The following ABTB3 variants were observed in gnomAD, a reference collection of about 807,000 sequenced individuals.
ABTB3 encodes the protein ankyrin repeat and BTB domain containing 3.
the ABTB3 span, among the ~76,000 whole-genome samples, chr12:107,633,521 G>T: frequency 6.6e-6 from 1 of 152,110 alleles, no homozygotes; most frequent in Non-Finnish European, 1.5e-5. Context: ...CTTCTAGGAG[G>T]CCATAATTAT....
the ABTB3 span, among the ~76,000 whole-genome samples, chr12:107,476,138 G>A: frequency 6.6e-6 from 1 of 152,160 alleles, no homozygotes. Context: ...TTGAGGGAGG[G>A]CAGTGTAGGG....
chr12:107,375,587 C>G, the ABTB3 span, among the ~76,000 whole-genome samples: 2 of 152,232 alleles, frequency 1.3e-5, no homozygotes, highest in Non-Finnish European at 2.9e-5. Flanking sequence ...CGTTCTACCT[C>G]TCACTGGCTG....
chr12:107,399,365 C>A, the ABTB3 span, among the ~76,000 whole-genome samples: 2 of 152,142 alleles, frequency 1.3e-5, no homozygotes, highest in African/African-American at 4.8e-5. Context: ...CGAGAAGCTC[C>A]CCAAGCAGGG....
the ABTB3 span, among the ~76,000 whole-genome samples, chr12:107,554,735 A>G: frequency 1.3e-5 from 2 of 152,168 alleles, no homozygotes; most frequent in Non-Finnish European, 2.9e-5. Context: ...TCTGTTTCTA[A>G]CAAGCTCCCA....
the ABTB3 span, among the ~76,000 whole-genome samples, chr12:107,597,308 A>T: frequency 6.6e-6 from 1 of 152,236 alleles, no homozygotes; most frequent in Non-Finnish European, 1.5e-5. Context: ...TTCTGTTGCT[A>T]TAACAAAATA....
At chr12:107,611,502 A>C in the ABTB3 span, among the ~76,000 whole-genome samples, 3 of 152,188 alleles carry the variant, frequency 2.0e-5, no homozygotes, top group African/African-American at 7.2e-5. Flanking sequence ...AATCACTTCT[A>C]ATGGCTATGC....
the ABTB3 span, among the ~76,000 whole-genome samples, chr12:107,345,828 G>A: frequency 6.6e-5 from 10 of 152,220 alleles, no homozygotes; most frequent in African/African-American, 2.4e-4. Flanking sequence ...GAAACAGTGG[G>A]TAGAAGGAAA....
At chr12:107,504,212 G>A in the ABTB3 span, among the ~76,000 whole-genome samples, 1 of 152,196 alleles carries the variant, frequency 6.6e-6, no homozygotes, top group African/African-American at 2.4e-5. Flanking sequence ...AGTAATCTTT[G>A]TATTTTTGAT....
the ABTB3 span, among the ~76,000 whole-genome samples, chr12:107,341,427 C>A: frequency 6.6e-6 from 1 of 152,178 alleles, no homozygotes; most frequent in African/African-American, 2.4e-5. Context: ...CAAGTCAGTG[C>A]AAGACTGAGG....
At chr12:107,601,822 A>G in the ABTB3 span, among the ~76,000 whole-genome samples, 1 of 152,262 alleles carries the variant, frequency 6.6e-6, no homozygotes, top group South Asian at 2.1e-4. Context: ...TGCCTGACAA[A>G]TAGGAATGCT....
the ABTB3 span, among the ~76,000 whole-genome samples, chr12:107,529,593 A>G: frequency 6.6e-6 from 1 of 152,232 alleles, no homozygotes; most frequent in Non-Finnish European, 1.5e-5. Context: ...TTCTTCATTT[A>G]ATACTATGAG....
At chr12:107,447,225 C>G in the ABTB3 span, among the ~76,000 whole-genome samples, 1 of 152,182 alleles carries the variant, frequency 6.6e-6, no homozygotes, top group Admixed American at 6.5e-5. Context: ...TCAATGCAAC[C>G]TCCACCTCCC....
chr12:107,573,437 A>G, the ABTB3 span, among the ~76,000 whole-genome samples: 5 of 151,222 alleles, frequency 3.3e-5, no homozygotes, highest in African/African-American at 4.9e-5. Flanking sequence ...TGGATGAATG[A>G]ATGGATGGGT....
At chr12:107,347,164 T>C in the ABTB3 span, among the ~76,000 whole-genome samples, 117,661 of 152,126 alleles carry the variant, frequency 0.77, 46,378 homozygotes, top group African/African-American at 0.94. Flanking sequence ...TTTACTGAAG[T>C]AGTCCTCCTA....
chr12:107,499,926 T>C, the ABTB3 span, among the ~76,000 whole-genome samples: 226 of 152,242 alleles, frequency 1.5e-3, 1 homozygote, highest in African/African-American at 5.1e-3. Flanking sequence ...CCTCAAGTGA[T>C]CTACCTGCCT....
At chr12:107,377,473 T>C in the ABTB3 span, among the ~76,000 whole-genome samples, 1 of 150,678 alleles carries the variant, frequency 6.6e-6, no homozygotes, top group Non-Finnish European at 1.5e-5. Flanking sequence ...CCGTTTATGC[T>C]CATCTCCATC....
chr12:107,432,061 G>T, the ABTB3 span, among the ~76,000 whole-genome samples: 1 of 152,198 alleles, frequency 6.6e-6, no homozygotes, highest in Non-Finnish European at 1.5e-5. Flanking sequence ...CTGCTGCTTG[G>T]CTATGTGGTT....
At chr12:107,658,266 T>G in the ABTB3 span, 1 of 153,738 alleles carries the variant, frequency 6.5e-6, no homozygotes, top group Non-Finnish European at 1.4e-5. Context: ...TAAAATATAT[T>G]TCTAAAAGCT....
chr12:107,486,273 C>G, the ABTB3 span, among the ~76,000 whole-genome samples: 1 of 152,112 alleles, frequency 6.6e-6, no homozygotes, highest in Admixed American at 6.6e-5. Flanking sequence ...TGTGATAAAC[C>G]TATATTTGTG....
Sources: allele counts gnomAD v4.1 joint callset (sites outside exome capture counted in the v4.1 genomes callset), GRCh38; gene constraint gnomAD v4.1.1; transcripts MANE v1.5; gene names NCBI Gene and HGNC (gene_info 2026-07-23, HGNC 2026-07-21).